MAGI1: variants seen among roughly 807,000 people sequenced by gnomAD.
MAGI1 encodes membrane-associated guanylate kinase, WW and PDZ domain-containing protein 1.
A neutral mutation model predicts 139.9 loss-of-function variants in MAGI1; 58 were observed. The ratio of observed to expected loss-of-function variants is 0.41; its 90% CI spans 0.34 to 0.52. The LOEUF (loss-of-function observed/expected upper bound fraction) is 0.52, where lower values mean the gene tolerates loss of function less well. Ranked by LOEUF, MAGI1 falls within the 20% of genes least tolerant of loss-of-function variation. The pLI is 0.12. For synonymous variants in MAGI1, 812 were observed against 737.9 expected (o/e 1.10, Z -1.63); for missense variants, 1,874 against 1,901.6 (o/e 0.99, Z 0.27).
In MAGI1 at chr3:65,361,263, A is replaced by T; in HGVS notation, c.3570T>A (p.Ile1190=). 3.1e-6 allele frequency: 5 copies of T among 1,614,126 alleles called. No homozygotes were observed. Among genetic ancestry groups the T allele is most frequent in the Non-Finnish European group, 4.2e-6 (5 of 1,180,002 alleles). ...NMKHSRAIEL[I]KNGGRRVRLF... ...GACGAACTCTGCGGCCACCATTCTT[A>T]ATCAGTTCTATAGCTCGAGAATGCT... The change falls in exon 22 of 23, where the codon ATT becomes ATA. Residue 1190 remains isoleucine, a synonymous_variant. Transcript: ENST00000402939.
chr3:65,639,475 C>T (rs1301053914), intron 1 of MAGI1, among the ~76,000 whole-genome samples: 3 of 152,106 alleles, frequency 2.0e-5, no homozygotes, highest in African/African-American at 7.2e-5. Flanking sequence ...ATTTGAGTTT[C>T]GGGAAGTCAT....
At chr3:65,648,270 G>A (rs1234388241) in intron 1 of MAGI1, among the ~76,000 whole-genome samples, 1 of 151,416 alleles carries the variant, frequency 6.6e-6, no homozygotes, top group South Asian at 2.1e-4. Context: ...TCAGCTTCCA[G>A]AGAAGCTAGT....
intron 1 of MAGI1, among the ~76,000 whole-genome samples, chr3:65,783,514 A>G (rs576433556): frequency 2.0e-5 from 3 of 152,084 alleles, no homozygotes; most frequent in African/African-American, 7.2e-5. Flanking sequence ...GTCTTGAGAC[A>G]GGGTCTCACT....
At chr3:65,801,398 A>G (rs2040504229) in intron 1 of MAGI1, among the ~76,000 whole-genome samples, 1 of 152,222 alleles carries the variant, frequency 6.6e-6, no homozygotes, top group South Asian at 2.1e-4. Flanking sequence ...ATGCAAAGTT[A>G]TAACATTCTA....
intron 1 of MAGI1, among the ~76,000 whole-genome samples, chr3:65,936,502 G>C (rs2063059219): frequency 6.6e-6 from 1 of 151,508 alleles, no homozygotes; most frequent in African/African-American, 2.4e-5. Flanking sequence ...GCTGGGTGTG[G>C]CTGGTACACG....
At chr3:65,939,833 AT>A (rs1341014878) in intron 1 of MAGI1, among the ~76,000 whole-genome samples, 1 of 152,242 alleles carries the variant, frequency 6.6e-6, no homozygotes, top group Non-Finnish European at 1.5e-5. Context: ...GTATTTGAAC[AT>A]TAATAAGCAC....
At chr3:65,916,429 G>A (rs1213360255) in intron 1 of MAGI1, among the ~76,000 whole-genome samples, 3 of 152,128 alleles carry the variant, frequency 2.0e-5, no homozygotes, top group Admixed American at 6.6e-5. Flanking sequence ...TGTGGCTGGG[G>A]AGGCCTCACA....
chr3:65,995,179 C>T (rs1483549755), intron 1 of MAGI1, among the ~76,000 whole-genome samples: 5 of 152,170 alleles, frequency 3.3e-5, no homozygotes, highest in Non-Finnish European at 5.9e-5. Context: ...AGTCACTCAG[C>T]CTTGGCTTCT....
chr3:65,595,861 A>C (rs1327772458), intron 2 of MAGI1, among the ~76,000 whole-genome samples: 1 of 152,074 alleles, frequency 6.6e-6, no homozygotes, highest in Non-Finnish European at 1.5e-5. Context: ...ATCCTCATCA[A>C]GAATCCTTTC....
chr3:65,748,049 G>C (rs2035845668), intron 1 of MAGI1, among the ~76,000 whole-genome samples: 1 of 152,124 alleles, frequency 6.6e-6, no homozygotes, highest in Non-Finnish European at 1.5e-5. Flanking sequence ...CCAGAAACAG[G>C]ACTCCTCCTC....
intron 5 of MAGI1, among the ~76,000 whole-genome samples, chr3:65,457,229 T>C (rs1477437285): frequency 6.6e-6 from 1 of 152,194 alleles, no homozygotes; most frequent in Non-Finnish European, 1.5e-5. Flanking sequence ...AAAAAGAATG[T>C]TATATAAATG....
At chr3:65,943,206 G>A (rs2063393876) in intron 1 of MAGI1, among the ~76,000 whole-genome samples, 1 of 152,104 alleles carries the variant, frequency 6.6e-6, no homozygotes, top group East Asian at 1.9e-4. Flanking sequence ...TTCTTTTGCT[G>A]GGAGAAGATG....
Position 65,798,332 on chromosome 3 carries a change from C to CAAACAAAA in MAGI1, c.314-176245_314-176244insTTTTGTTT, listed in dbSNP as rs1553708840. Among the ~76,000 whole-genome samples, 35 of 151,046 alleles carry CAAACAAAA rather than the reference C, an allele frequency of 2.3e-4. 2 individuals are homozygous for CAAACAAAA. Among genetic ancestry groups the CAAACAAAA allele is most frequent in the African/African-American group, 6.1e-4 (25 of 41,298 alleles). On this transcript the variant is annotated intron_variant, in intron 1 of 22. Transcript: ENST00000402939. ...ACAAACAAACAAACAAACAAACAAACAAACACAGCCTCAGAAGCACTGAAA... is the reference window on the plus strand; with the variant it reads ...ACAAACAAACAAACAAACAAACAAACAAACAAAAAAACACAGCCTCAGAAGCACTGAAA...
At chr3:65,575,131 T>A (rs1222104976) in intron 2 of MAGI1, among the ~76,000 whole-genome samples, 2 of 152,080 alleles carry the variant, frequency 1.3e-5, no homozygotes. Context: ...GTAAGGCACA[T>A]ATTGGGAAAA....
chr3:65,471,464 A>G (rs1046662544), intron 4 of MAGI1, among the ~76,000 whole-genome samples: 1 of 152,188 alleles, frequency 6.6e-6, no homozygotes, highest in South Asian at 2.1e-4. Flanking sequence ...GAAGCTCCCA[A>G]TGACACACAT....
At chr3:65,530,690 T>C (rs2078627762) in intron 2 of MAGI1, among the ~76,000 whole-genome samples, 1 of 141,960 alleles carries the variant, frequency 7.0e-6, no homozygotes, top group Admixed American at 7.4e-5. Flanking sequence ...TATATACGTG[T>C]ATATATATAC....
intron 1 of MAGI1, among the ~76,000 whole-genome samples, chr3:65,664,647 AC>A (rs1295841530): frequency 7.2e-5 from 11 of 152,160 alleles, no homozygotes; most frequent in Non-Finnish European, 1.5e-4. Flanking sequence ...TTTATTTGAA[AC>A]CTCAAAATCA....
chr3:65,994,345 G>A (rs1371444476), intron 1 of MAGI1, among the ~76,000 whole-genome samples: 1 of 150,306 alleles, frequency 6.7e-6, no homozygotes, highest in Non-Finnish European at 1.5e-5. Flanking sequence ...CAATGCTCTA[G>A]AACACAGCAA....
chr3:65,694,415 G>T (rs972955757), intron 1 of MAGI1, among the ~76,000 whole-genome samples: 1 of 150,890 alleles, frequency 6.6e-6, no homozygotes, highest in Non-Finnish European at 1.5e-5. Flanking sequence ...ATGTGCTTTG[G>T]AATATGCCTG....
Sources: allele counts gnomAD v4.1 joint callset (sites outside exome capture counted in the v4.1 genomes callset), GRCh38; gene constraint gnomAD v4.1.1; transcripts MANE v1.5; gene names NCBI Gene and HGNC (gene_info 2026-07-23, HGNC 2026-07-21).